Variants in MYO6 observed in about 807,000 individuals in gnomAD.
The protein encoded by MYO6 is unconventional myosin-VI.
In MYO6, 74 loss-of-function variants were observed where a neutral mutation model predicts 178.7. The observed-to-expected ratio is 0.41, with a 90% CI of 0.34 to 0.50. MYO6 has a LOEUF of 0.50. Ranked by LOEUF, MYO6 falls within the 20% of genes least tolerant of loss-of-function variation. The pLI, the probability that MYO6 is intolerant of heterozygous loss-of-function variation, is 0.09. For synonymous variants in MYO6, 477 were observed against 504.6 expected (o/e 0.95, Z 0.73); for missense variants, 1,330 against 1,547.4 (o/e 0.86, Z 2.36).
intron 1 of MYO6, among the ~76,000 whole-genome samples, chr6:75,805,015 A>ATT (rs1358076357): frequency 1.7e-5 from 1 of 60,364 alleles, no homozygotes; most frequent in African/African-American, 1.1e-4. Flanking sequence ...ATATATATAT[A>ATT]TATATATTTT....
intron 7 of MYO6, among the ~76,000 whole-genome samples, chr6:75,840,321 C>T (rs970849037): frequency 6.6e-6 from 1 of 152,018 alleles, no homozygotes; most frequent in African/African-American, 2.4e-5. Context: ...ACCTCCACGC[C>T]TGGCTAATTT....
intron 2 of MYO6, among the ~76,000 whole-genome samples, chr6:75,821,655 A>T (rs909813555): frequency 6.6e-6 from 1 of 151,872 alleles, no homozygotes; most frequent in Non-Finnish European, 1.5e-5. Context: ...ACACACACAC[A>T]CCCCTATAAA....
intron 1 of MYO6, among the ~76,000 whole-genome samples, chr6:75,788,318 C>T (rs535460120): frequency 1.6e-4 from 25 of 152,094 alleles, no homozygotes; most frequent in Non-Finnish European, 2.4e-4. Flanking sequence ...GAGCCAAGAT[C>T]GTGCCACTGC....
chr6:75,835,246 A>G (rs1773523131), intron 6 of MYO6, among the ~76,000 whole-genome samples: 2 of 152,226 alleles, frequency 1.3e-5, no homozygotes, highest in African/African-American at 4.8e-5. Context: ...TCCCAAAACA[A>G]TTTAAAAAAC....
rs1201231405 is a variant in MYO6, at chr6:75,834,972, A to T, written c.498-929A>T. 5.3e-5 allele frequency among the ~76,000 whole-genome samples: 8 copies of T among 152,244 alleles called. No homozygotes were observed. In the East Asian group the frequency reaches 1.5e-3, roughly 29 times the overall value. ...AAAATGAACAAAAAGTTAAGGAGTT[A>T]TAAACTTATAATATGAACTTACATT... On this transcript the variant is annotated intron_variant, in intron 6 of 34. Transcript: ENST00000369977.
chr6:75,796,882 C>A (rs1768892590), intron 1 of MYO6, among the ~76,000 whole-genome samples: 2 of 152,136 alleles, frequency 1.3e-5, no homozygotes. Context: ...ATAATGGCCT[C>A]CAGCTGCCTC....
intron 9 of MYO6, 142 bp from the exon 10 acceptor site, chr6:75,844,755 A>G: frequency 1.6e-6 from 1 of 614,864 alleles, no homozygotes; most frequent in Admixed American, 2.9e-5. Flanking sequence ...AGAAGTATTG[A>G]TTTGAATGGT....
At chr6:75,819,117 C>T (rs1212158719) in intron 2 of MYO6, among the ~76,000 whole-genome samples, 2 of 152,130 alleles carry the variant, frequency 1.3e-5, no homozygotes, top group Non-Finnish European at 2.9e-5. Context: ...GCTTTACACT[C>T]TTATTCAGGT....
At chr6:75,907,821 T>G in intron 31 of MYO6, 113 bp downstream of exon 31, 1 of 799,696 alleles carries the variant, frequency 1.3e-6, no homozygotes, top group East Asian at 2.6e-5. Context: ...TGTGTGTATG[T>G]GTGTATGTAC....
intron 1 of MYO6, among the ~76,000 whole-genome samples, chr6:75,799,638 A>G (rs1430498179): frequency 3.3e-5 from 5 of 152,094 alleles, no homozygotes; most frequent in African/African-American, 9.7e-5. Flanking sequence ...TTTACTTACT[A>G]CAAGGTAGGG....
intron 10 of MYO6, among the ~76,000 whole-genome samples, chr6:75,846,262 A>G (rs1002519016): frequency 6.6e-6 from 1 of 151,962 alleles, no homozygotes; most frequent in Non-Finnish European, 1.5e-5. Context: ...AGGATTAATG[A>G]TAGATACTGG....
At chr6:75,859,509 A>C (rs1033139436) in intron 14 of MYO6, among the ~76,000 whole-genome samples, 6 of 151,808 alleles carry the variant, frequency 4.0e-5, no homozygotes, top group African/African-American at 1.5e-4. Context: ...AATTTTGGCT[A>C]GGCTAGTCTC....
Position 75,830,500 on chromosome 6 carries a change from C to G in MYO6, c.346C>G (p.Gln116Glu), listed in dbSNP as rs1772970778. ...IYSSEAIKSY[Q>E]GKSLGTRPPH... ...TTCTTCAGAAGCAATAAAGTCATAT[C>G]AAGGAAAATCTCTTGGGACAAGACC... Residue 116 changes from glutamine to glutamate, a missense_variant, in exon 5 of 35, where the codon CAA becomes GAA. Physicochemically the swap from Gln to Glu is conservative, Grantham distance 29. Transcript: ENST00000369977. 1.2e-6 allele frequency: 2 copies of G among 1,612,146 alleles called. No homozygotes were observed.
intron 5 of MYO6, among the ~76,000 whole-genome samples, chr6:75,831,671 C>T (rs969845725): frequency 6.6e-6 from 1 of 151,882 alleles, no homozygotes; most frequent in Non-Finnish European, 1.5e-5. Flanking sequence ...GAGGGCGGAT[C>T]GCTTGAGCCT....
chr6:75,797,725 G>A (rs547655497), intron 1 of MYO6, among the ~76,000 whole-genome samples: 1 of 152,100 alleles, frequency 6.6e-6, no homozygotes, highest in Admixed American at 6.5e-5. Context: ...GTAGGGACGA[G>A]GTTTCACCAT....
chr6:75,894,727 A>G lies in MYO6; in HGVS notation c.3108-504A>G, dbSNP rs974392503. Reference sequence around the variant, plus strand: ...TAAACTGTTCTTAATCTATAGCATGATGTTGTTGGGTTCTATGCTGTGTTA... The same window carrying G: ...TAAACTGTTCTTAATCTATAGCATGGTGTTGTTGGGTTCTATGCTGTGTTA... On this transcript the variant is annotated intron_variant, in intron 28 of 34. Coordinates refer to ENST00000369977, the MANE Select transcript of MYO6 (RefSeq NM_004999.4). 6 of 801,950 alleles carry G rather than the reference A, an allele frequency of 7.5e-6. No individual in the cohort carries two copies. In the African/African-American group the frequency reaches 9.0e-5, roughly 12 times the overall value. 49.7% of individuals were successfully genotyped at this position (801,950 alleles called of 1,614,324 possible).
chr6:75,766,891 C>T (rs1351289883), intron 1 of MYO6, among the ~76,000 whole-genome samples: 1 of 152,212 alleles, frequency 6.6e-6, no homozygotes, highest in East Asian at 1.9e-4. Context: ...TCATTAGTGG[C>T]ATCACAATAA....
intron 3 of MYO6, among the ~76,000 whole-genome samples, chr6:75,827,811 T>A (rs141693914): frequency 1.3e-5 from 2 of 152,300 alleles, no homozygotes; most frequent in Non-Finnish European, 2.9e-5. Context: ...TAGTGTTGAC[T>A]AAGGTTTACA....
At chr6:75,877,562 C>T (rs901634659) in intron 20 of MYO6, among the ~76,000 whole-genome samples, 4 of 151,970 alleles carry the variant, frequency 2.6e-5, no homozygotes, top group East Asian at 3.9e-4. Flanking sequence ...CCACCATGCC[C>T]GGCCTAAAAT....
Sources: allele counts gnomAD v4.1 joint callset (sites outside exome capture counted in the v4.1 genomes callset), GRCh38; gene constraint gnomAD v4.1.1; transcripts MANE v1.5; gene names NCBI Gene and HGNC (gene_info 2026-07-23, HGNC 2026-07-21).